The following ATRNL1 variants were observed in gnomAD, a reference collection of about 807,000 sequenced individuals.
The protein encoded by ATRNL1 is attractin like 1, also known as attractin-like protein 1.
Under a neutral mutation model 182.7 loss-of-function variants are expected in ATRNL1, and 95 were observed. The ratio of observed to expected loss-of-function variants is 0.52; its 90% CI spans 0.44 to 0.62. ATRNL1 has a LOEUF of 0.62. Among genes scored for constraint, ATRNL1 ranks in the 20% least tolerant of loss-of-function variants. ATRNL1 has a pLI of 0.00. For synonymous variants in ATRNL1, 576 were observed against 568.3 expected (o/e 1.01, Z -0.19); for missense variants, 1,471 against 1,679.5 (o/e 0.88, Z 2.17).
intron 26 of ATRNL1, among the ~76,000 whole-genome samples, chr10:115,583,744 C>T (rs532973543): frequency 1.3e-5 from 2 of 150,450 alleles, no homozygotes; most frequent in African/African-American, 2.4e-5. Flanking sequence ...CCCTTTATTT[C>T]CTTCTCCTGT....
At chr10:115,100,694 C>G (rs939427090) in intron 1 of ATRNL1, among the ~76,000 whole-genome samples, 1 of 151,936 alleles carries the variant, frequency 6.6e-6, no homozygotes, top group Non-Finnish European at 1.5e-5. Flanking sequence ...CAGTTTTGTT[C>G]TTTTCCAATT....
At chr10:115,469,388 C>T (rs781784984) in intron 24 of ATRNL1, 59 bp downstream of exon 24, 14 of 1,139,430 alleles carry the variant, frequency 1.2e-5, no homozygotes, top group Non-Finnish European at 1.7e-5. Flanking sequence ...AAGAATGGTG[C>T]TTTTGTCCAA....
chr10:115,315,364 T>G (rs1554929228), intron 17 of ATRNL1, among the ~76,000 whole-genome samples, 154 bp from the exon 18 acceptor site: 2 of 152,202 alleles, frequency 1.3e-5, no homozygotes, highest in Non-Finnish European at 2.9e-5. Context: ...TTTTAGTAAT[T>G]GCTGTCTCTT....
At chr10:115,688,575 A>AT (rs1451519181) in intron 26 of ATRNL1, among the ~76,000 whole-genome samples, 8 of 152,104 alleles carry the variant, frequency 5.3e-5, no homozygotes, top group Non-Finnish European at 2.9e-5. Flanking sequence ...ACGTTGGGGC[A>AT]TTTTTTTATA....
intron 23 of ATRNL1, 26 bp from the exon 24 acceptor site, chr10:115,469,142 TATTA>T (rs782652966): frequency 4.6e-5 from 40 of 871,468 alleles, no homozygotes; most frequent in African/African-American, 3.5e-4. Flanking sequence ...TATTTCCTAA[TATTA>T]ATTATTTAAA....
chr10:115,735,840 C>T (rs563832899), intron 27 of ATRNL1, among the ~76,000 whole-genome samples: 1 of 152,128 alleles, frequency 6.6e-6, no homozygotes, highest in East Asian at 1.9e-4. Context: ...TATTTTCAGA[C>T]CACAGTTGAC....
intron 4 of ATRNL1, among the ~76,000 whole-genome samples, chr10:115,128,699 C>T (rs1028133062): frequency 2.6e-5 from 4 of 151,840 alleles, no homozygotes; most frequent in Non-Finnish European, 5.9e-5. Flanking sequence ...TGGTGGCGGG[C>T]GCCTGTAGTC....
intron 26 of ATRNL1, among the ~76,000 whole-genome samples, chr10:115,588,060 T>C (rs1855674248): frequency 6.6e-6 from 1 of 152,142 alleles, no homozygotes; most frequent in South Asian, 2.1e-4. Context: ...TCAGACTGGA[T>C]AATAAATGGA....
At chr10:115,130,081 A>G (rs923724156) in intron 5 of ATRNL1, among the ~76,000 whole-genome samples, 2 of 152,300 alleles carry the variant, frequency 1.3e-5, no homozygotes, top group Admixed American at 6.5e-5. Context: ...ATAAATATCT[A>G]TCATCAAAGA....
At chr10:115,633,013 C>T (rs538342302) in intron 26 of ATRNL1, among the ~76,000 whole-genome samples, 3 of 152,182 alleles carry the variant, frequency 2.0e-5, no homozygotes, top group African/African-American at 7.2e-5. Context: ...ATGCCTCAGT[C>T]TCCCAAGTAG....
chr10:115,598,349 A>ATTT (rs60415643), intron 26 of ATRNL1, among the ~76,000 whole-genome samples: 71,250 of 140,408 alleles, frequency 0.51, 17,822 homozygotes, highest in African/African-American at 0.58. Flanking sequence ...TATTTAAAAA[A>ATTT]ATTATTTATT....
chr10:115,586,383 AG>A (rs1855503907), intron 26 of ATRNL1, among the ~76,000 whole-genome samples: 1 of 104,690 alleles, frequency 9.6e-6, no homozygotes, highest in South Asian at 4.8e-4. Context: ...CGTCACTTTC[AG>A]GTACACCAAT....
At chr10:115,742,064 T>G (rs1948154563) in intron 27 of ATRNL1, among the ~76,000 whole-genome samples, 1 of 152,170 alleles carries the variant, frequency 6.6e-6, no homozygotes, top group African/African-American at 2.4e-5. Context: ...ATGCAGTCAT[T>G]GGTGGCTTTT....
intron 26 of ATRNL1, among the ~76,000 whole-genome samples, chr10:115,554,335 A>G (rs1853184659): frequency 6.6e-6 from 1 of 151,648 alleles, no homozygotes; most frequent in Admixed American, 6.6e-5. Flanking sequence ...TGCCTATTGC[A>G]TTATCATACT....
intron 8 of ATRNL1, among the ~76,000 whole-genome samples, chr10:115,173,084 A>G (rs1279754969): frequency 6.6e-6 from 1 of 151,966 alleles, no homozygotes; most frequent in Non-Finnish European, 1.5e-5. Flanking sequence ...AGTAATCAGG[A>G]GAGAATGGCT....
intron 27 of ATRNL1, among the ~76,000 whole-genome samples, chr10:115,832,817 T>G (rs1950588422): frequency 6.6e-6 from 1 of 152,152 alleles, no homozygotes; most frequent in Middle Eastern, 3.2e-3. Flanking sequence ...TGCATCTCTG[T>G]CTCAACCTTT....
chr10:115,793,168 G>T (rs560168504), intron 27 of ATRNL1, among the ~76,000 whole-genome samples: 1 of 152,102 alleles, frequency 6.6e-6, no homozygotes, highest in Admixed American at 6.5e-5. Context: ...AGACTTCAAT[G>T]AAAATAAAAT....
chr10:115,287,924 GTTT>G (rs11298663), intron 15 of ATRNL1, among the ~76,000 whole-genome samples: 130 of 91,022 alleles, frequency 1.4e-3, no homozygotes, highest in South Asian at 2.4e-3. Context: ...AAGATCAACT[GTTT>G]TTTTTTTTTT....
chr10:115,447,322 A>AT (rs1313596902), intron 21 of ATRNL1, among the ~76,000 whole-genome samples: 14 of 151,396 alleles, frequency 9.2e-5, no homozygotes, highest in East Asian at 1.9e-4. Flanking sequence ...GATAGAGTTG[A>AT]TTTTTTTTGT....
Sources: gnomAD v4.1 joint callset for allele counts (sites outside exome capture counted in the v4.1 genomes callset) on GRCh38, gnomAD v4.1.1 for gene constraint, MANE v1.5 for transcripts, NCBI Gene and HGNC (gene_info 2026-07-23, HGNC 2026-07-21) for gene names.